Variants in TSGA10 observed in about 807,000 individuals in gnomAD.
TSGA10 encodes the protein testis-specific gene 10 protein.
TSGA10 carries 43 observed loss-of-function variants against 96.6 expected under a neutral mutation model. The ratio of observed to expected loss-of-function variants is 0.44; its 90% CI spans 0.35 to 0.57. TSGA10 has a LOEUF of 0.57. TSGA10 is among the 20% of genes least tolerant of loss of function. TSGA10 has a pLI of 0.01. For missense variants in TSGA10, 703 were observed against 834.4 expected (o/e 0.84, Z 1.94); for synonymous variants, 229 against 269.9 (o/e 0.85, Z 1.48).
chr2:99,016,840 G>A (rs935001520), intron 20 of TSGA10, among the ~76,000 whole-genome samples: 1 of 152,034 alleles, frequency 6.6e-6, no homozygotes, highest in African/African-American at 2.4e-5. Flanking sequence ...GTGGGCTAAG[G>A]ACATGAATAA....
chr2:99,120,128 A>G (rs976862209), intron 2 of TSGA10, among the ~76,000 whole-genome samples: 3 of 152,182 alleles, frequency 2.0e-5, no homozygotes, highest in African/African-American at 7.2e-5. Flanking sequence ...AACTTAAAAG[A>G]CTGTATTGTC....
chr2:99,143,133 CTTTTTTTTT>C (rs10605521), intron 1 of TSGA10, among the ~76,000 whole-genome samples: 1 of 82,154 alleles, frequency 1.2e-5, no homozygotes, highest in African/African-American at 4.5e-5. Flanking sequence ...CCAACTAAAC[CTTTTTTTTT>C]TTTTTTTTTT....
At chr2:99,108,033 G>C (rs1168999206) in intron 7 of TSGA10, among the ~76,000 whole-genome samples, 22 of 151,870 alleles carry the variant, frequency 1.4e-4, no homozygotes, top group Admixed American at 1.4e-3. Context: ...CCCCTTTCAG[G>C]GTAATAGAAA....
intron 17 of TSGA10, among the ~76,000 whole-genome samples, chr2:99,026,954 C>T (rs1246266607): frequency 3.3e-5 from 5 of 152,198 alleles, no homozygotes; most frequent in African/African-American, 1.2e-4. Context: ...AACTGTTCCA[C>T]CTCAGATCAT....
At chr2:99,048,901 C>T (rs1368147421) in intron 16 of TSGA10, among the ~76,000 whole-genome samples, 1 of 151,892 alleles carries the variant, frequency 6.6e-6, no homozygotes, top group African/African-American at 2.4e-5. Flanking sequence ...AACAGACGAC[C>T]CCACCAAAAA....
chr2:99,033,069 G>A (rs1447845637), intron 17 of TSGA10, among the ~76,000 whole-genome samples: 1 of 152,214 alleles, frequency 6.6e-6, no homozygotes, highest in Non-Finnish European at 1.5e-5. Context: ...GTCAGTATAT[G>A]AGCAGATGGC....
At chr2:99,024,669 A>G (rs2080395026) in intron 17 of TSGA10, among the ~76,000 whole-genome samples, 2 of 152,142 alleles carry the variant, frequency 1.3e-5, no homozygotes, top group Non-Finnish European at 2.9e-5. Flanking sequence ...CCCTGCCTAG[A>G]ACCTCTGCTA....
chr2:99,082,069 T>C (rs1302799838), intron 10 of TSGA10, among the ~76,000 whole-genome samples: 1 of 152,226 alleles, frequency 6.6e-6, no homozygotes, highest in African/African-American at 2.4e-5. Context: ...CCCGACCCCC[T>C]TCCTCAAGGA....
At chr2:99,071,122 AC>A (rs1375836575) in intron 14 of TSGA10, among the ~76,000 whole-genome samples, 1 of 152,192 alleles carries the variant, frequency 6.6e-6, no homozygotes, top group Non-Finnish European at 1.5e-5. Flanking sequence ...TGAAAGTGAT[AC>A]AAAGTGGGGA....
chr2:99,018,167 A>G lies in TSGA10; in HGVS notation c.2072+33T>C, dbSNP rs368195968. 100 of 1,612,662 alleles carry G rather than the reference A, an allele frequency of 6.2e-5. 1 individual carries two copies. The African/African-American group carries it at 1.2e-3, about 20-fold the overall frequency. On this transcript the variant is annotated intron_variant, in intron 20 of 20. Coordinates refer to ENST00000393483, the MANE Select transcript of TSGA10 (RefSeq NM_025244.4). The stretch of plus-strand genomic sequence containing the variant: ...TCACTATACTAGATACTGCTATTTG[A>G]TCTCAAGAGAATGGATCCTTAAATA...
chr2:99,099,899 T>C (rs1474461202), intron 10 of TSGA10, among the ~76,000 whole-genome samples: 1 of 152,192 alleles, frequency 6.6e-6, no homozygotes, highest in African/African-American at 2.4e-5. Flanking sequence ...ATCAATTTTA[T>C]TTTTACATAA....
chr2:99,139,142 G>C (rs1482402028), intron 1 of TSGA10, among the ~76,000 whole-genome samples: 4 of 152,040 alleles, frequency 2.6e-5, no homozygotes, highest in Non-Finnish European at 5.9e-5. Flanking sequence ...ATCCACCTGT[G>C]GTCCCAGCTA....
intron 17 of TSGA10, among the ~76,000 whole-genome samples, chr2:99,023,324 A>G (rs571493752): frequency 2.6e-5 from 4 of 152,288 alleles, no homozygotes; most frequent in African/African-American, 9.6e-5. Context: ...CTTATCAGAT[A>G]TATGGTTTGC....
intron 1 of TSGA10, among the ~76,000 whole-genome samples, chr2:99,130,148 G>C (rs572808838): frequency 6.6e-6 from 1 of 152,160 alleles, no homozygotes; most frequent in South Asian, 2.1e-4. Context: ...TATATACCCA[G>C]TAATGGGATT....
chr2:99,135,479 A>G (rs2093286972), intron 1 of TSGA10, among the ~76,000 whole-genome samples: 1 of 152,338 alleles, frequency 6.6e-6, no homozygotes, highest in Non-Finnish European at 1.5e-5. Flanking sequence ...GCCAGCCACT[A>G]AAAAATTATT....
chr2:99,023,230 G>A (rs78900625), intron 17 of TSGA10, among the ~76,000 whole-genome samples: 27 of 152,128 alleles, frequency 1.8e-4, no homozygotes, highest in African/African-American at 6.3e-4. Flanking sequence ...AAACTCCTGG[G>A]CTCAAACGAT....
chr2:99,071,512 T>C (rs2104513108), intron 14 of TSGA10, among the ~76,000 whole-genome samples, 194 bp downstream of exon 14: 1 of 152,320 alleles, frequency 6.6e-6, no homozygotes, highest in South Asian at 2.1e-4. Context: ...CTGTTCTCTC[T>C]TTTCTTTAAT....
chr2:99,105,082 G>A (rs1470485753), intron 9 of TSGA10, among the ~76,000 whole-genome samples: 1 of 152,080 alleles, frequency 6.6e-6, no homozygotes, highest in African/African-American at 2.4e-5. Context: ...ATATGGAGAT[G>A]AGAAAGTAGA....
intron 1 of TSGA10, among the ~76,000 whole-genome samples, chr2:99,145,628 C>T (rs1405771561): frequency 6.6e-6 from 1 of 151,966 alleles, no homozygotes; most frequent in African/African-American, 2.4e-5. Context: ...AATTTTCCCA[C>T]CCTCAGAGTC....
Sources: gnomAD v4.1 joint callset for allele counts (sites outside exome capture counted in the v4.1 genomes callset) on GRCh38, gnomAD v4.1.1 for gene constraint, MANE v1.5 for transcripts, NCBI Gene and HGNC (gene_info 2026-07-23, HGNC 2026-07-21) for gene names.